The following TCF12 variants were observed in gnomAD, a reference collection of about 807,000 sequenced individuals.
TCF12 encodes transcription factor 12.
In TCF12, 45 loss-of-function variants were observed where a neutral mutation model predicts 86.0. The observed-to-expected ratio is 0.52, with a 90% CI of 0.41 to 0.67. The LOEUF (loss-of-function observed/expected upper bound fraction) is 0.67. Among genes scored for constraint, TCF12 ranks in the 30% least tolerant of loss-of-function variants. The probability of loss-of-function intolerance (pLI) is 0.00; values close to 1 mark genes in which losing one functional copy is unlikely to be tolerated. For synonymous variants in TCF12, 330 were observed against 299.6 expected (o/e 1.10, Z -1.05); for missense variants, 881 against 859.9 (o/e 1.02, Z -0.31).
At chr15:57,261,989 T>G in intron 16 of TCF12, 105 bp from the exon 17 acceptor site, 1 of 650,778 alleles carries the variant, frequency 1.5e-6, no homozygotes, top group Non-Finnish European at 2.5e-6. Flanking sequence ...TGAAATCAGA[T>G]GAGTGACACT....
chr15:56,919,825 T>C (rs1275030998), intron 1 of TCF12, 67 bp from the exon 2 acceptor site: 2 of 1,420,048 alleles, frequency 1.4e-6, no homozygotes, highest in African/African-American at 2.8e-5. Context: ...CCCCAGTACC[T>C]CTCTCTGTTC....
chr15:57,123,060 A>G (rs1829156904), intron 5 of TCF12, among the ~76,000 whole-genome samples: 1 of 152,226 alleles, frequency 6.6e-6, no homozygotes, highest in African/African-American at 2.4e-5. Context: ...TGAAGCAAAA[A>G]AGACAGATGT....
chr15:57,088,009 T>TTTTTTTTTTTTTGAGACGGAGTCTCG (rs2048758136), intron 4 of TCF12, among the ~76,000 whole-genome samples: 1 of 152,248 alleles, frequency 6.6e-6, no homozygotes, highest in African/African-American at 2.4e-5. Flanking sequence ...TAACTTTCTA[T>TTTTTTTTTTTTTGAGACGGAGTCTCG]CAATTTGAAA....
intron 5 of TCF12, among the ~76,000 whole-genome samples, chr15:57,165,469 A>G (rs2054818844): frequency 6.6e-6 from 1 of 152,164 alleles, no homozygotes; most frequent in East Asian, 1.9e-4. Context: ...CATACATGGT[A>G]ATCATGCACA....
At chr15:57,057,406 TG>T (rs1308808238) in intron 3 of TCF12, among the ~76,000 whole-genome samples, 1 of 152,190 alleles carries the variant, frequency 6.6e-6, no homozygotes, top group Non-Finnish European at 1.5e-5. Flanking sequence ...GCTTTCAGAA[TG>T]GGAAACTCAC....
intron 4 of TCF12, among the ~76,000 whole-genome samples, chr15:57,090,122 G>A (rs966349961): frequency 6.6e-6 from 1 of 152,082 alleles, no homozygotes; most frequent in South Asian, 2.1e-4. Context: ...GGAGCCTGAG[G>A]TGGGAGGATC....
chr15:57,269,939 TG>T (rs2061054840), intron 18 of TCF12, among the ~76,000 whole-genome samples: 1 of 152,240 alleles, frequency 6.6e-6, no homozygotes, highest in South Asian at 2.1e-4. Flanking sequence ...GTTAGTCTGA[TG>T]GGCTCCCCTT....
chr15:57,020,011 A>G (rs955457527), intron 3 of TCF12, among the ~76,000 whole-genome samples: 5 of 152,226 alleles, frequency 3.3e-5, no homozygotes, highest in African/African-American at 1.2e-4. Context: ...GGAATGAGTT[A>G]GAACAGCCAT....
intron 5 of TCF12, among the ~76,000 whole-genome samples, chr15:57,155,199 C>T (rs1416429338): frequency 6.6e-6 from 1 of 152,092 alleles, no homozygotes; most frequent in African/African-American, 2.4e-5. Context: ...TTTCTTCCTT[C>T]CTTCATTTTT....
At position 57,153,215 on chromosome 15, in the gene TCF12, G is replaced by T. The variant is rs140787829; in HGVS notation, c.326-13187G>T. Among the ~76,000 whole-genome samples, 661 of 152,298 alleles carry T rather than the reference G, an allele frequency of 4.3e-3. 4 individuals are homozygous for T. The highest frequency in any genetic ancestry group is 0.015 in the African/African-American group (641 of 41,558). The stretch of plus-strand genomic sequence containing the variant: ...TTCAAGCAGGGGGAATGTCACTCCA[G>T]ACAGAAACTTGGATCTGCACCAAGA... On this transcript the variant is annotated intron_variant, in intron 5 of 20. Coordinates refer to ENST00000333725, the MANE Select transcript of TCF12 (RefSeq NM_207037.2).
chr15:57,254,405 G>C (rs2152024884), intron 16 of TCF12, among the ~76,000 whole-genome samples: 1 of 152,080 alleles, frequency 6.6e-6, no homozygotes, highest in Middle Eastern at 3.4e-3. Flanking sequence ...AAGGCTGCTT[G>C]TTTTCTGAGA....
chr15:57,278,713 TC>T (rs2061523433), intron 19 of TCF12: 1 of 56,022 alleles, frequency 1.8e-5, no homozygotes, highest in Non-Finnish European at 3.2e-5. Context: ...CCTCCCTCCC[TC>T]CCTCTCCCTC....
intron 3 of TCF12, among the ~76,000 whole-genome samples, chr15:56,949,281 A>C (rs1408065406): frequency 2.0e-5 from 3 of 152,228 alleles, no homozygotes; most frequent in Non-Finnish European, 4.4e-5. Context: ...TTATCCCAGT[A>C]ATTAAAAAAA....
intron 3 of TCF12, among the ~76,000 whole-genome samples, chr15:57,041,006 T>C (rs1442390201): frequency 6.6e-6 from 1 of 152,180 alleles, no homozygotes; most frequent in Admixed American, 6.5e-5. Flanking sequence ...CCTGATTAAC[T>C]TATGTGAATC....
intron 6 of TCF12, among the ~76,000 whole-genome samples, chr15:57,170,723 T>C (rs1252515119): frequency 2.4e-3 from 4 of 1,700 alleles, no homozygotes; most frequent in Non-Finnish European, 3.9e-3. Context: ...ATATATATAT[T>C]ATATATTATA....
At chr15:56,999,417 G>GA (rs2063893754) in intron 3 of TCF12, among the ~76,000 whole-genome samples, 1 of 151,994 alleles carries the variant, frequency 6.6e-6, no homozygotes, top group Non-Finnish European at 1.5e-5. Flanking sequence ...AACCAAACGG[G>GA]ATATCATTAC....
At chr15:57,226,571 C>T (rs1396916553) in intron 8 of TCF12, among the ~76,000 whole-genome samples, 4 of 152,256 alleles carry the variant, frequency 2.6e-5, no homozygotes, top group African/African-American at 9.6e-5. Context: ...GAAGCCCAAA[C>T]ATAGTGAAAT....
intron 3 of TCF12, among the ~76,000 whole-genome samples, chr15:57,030,758 T>G (rs529113776): frequency 6.6e-5 from 10 of 152,242 alleles, no homozygotes; most frequent in Non-Finnish European, 1.5e-4. Context: ...CATCTTTATC[T>G]TAATTGCATA....
At chr15:57,186,327 G>C (rs569283527) in intron 6 of TCF12, among the ~76,000 whole-genome samples, 2 of 152,172 alleles carry the variant, frequency 1.3e-5, no homozygotes, top group East Asian at 3.9e-4. Context: ...GGTAAGATCT[G>C]ATGTCTACAA....
Sources: gnomAD v4.1 joint callset for allele counts (sites outside exome capture counted in the v4.1 genomes callset) on GRCh38, gnomAD v4.1.1 for gene constraint, MANE v1.5 for transcripts, NCBI Gene and HGNC (gene_info 2026-07-23, HGNC 2026-07-21) for gene names.